The following USH2A variants were observed in gnomAD, a reference collection of about 807,000 sequenced individuals.
USH2A encodes the protein Usher syndrome 2A (autosomal recessive, mild).
USH2A carries 443 observed loss-of-function variants against 538.9 expected under a neutral mutation model. The observed-to-expected ratio is 0.82, with a 90% CI of 0.76 to 0.89. USH2A has a LOEUF of 0.89. USH2A is among the 40% of genes least tolerant of loss of function. The pLI, the probability that USH2A is intolerant of heterozygous loss-of-function variation, is 0.00. For missense variants in USH2A, 6,633 were observed against 6,324.8 expected, an observed-to-expected ratio of 1.05 and a Z score of -1.65; for synonymous variants, 2,413 against 2,273.5, an observed-to-expected ratio of 1.06 and a Z score of -1.75.
At chr1:216,281,893 G>A in intron 11 of USH2A, among the ~76,000 whole-genome samples, 1 of 64,524 alleles carries the variant, frequency 1.5e-5, no homozygotes, top group African/African-American at 5.4e-5. Context: ...TTTTTGAGTT[G>A]CAGTCATCCC....
intron 36 of USH2A, among the ~76,000 whole-genome samples, chr1:215,968,890 A>G (rs750389345): frequency 1.1e-4 from 16 of 152,212 alleles, no homozygotes; most frequent in Non-Finnish European, 1.8e-4. Context: ...GTATCACATC[A>G]TAATTTAATG....
intron 11 of USH2A, among the ~76,000 whole-genome samples, chr1:216,263,075 C>T (rs1186816209): frequency 6.6e-6 from 1 of 151,870 alleles, no homozygotes; most frequent in Non-Finnish European, 1.5e-5. Context: ...AAAATTGAAC[C>T]AAGGAGGAAT....
At chr1:215,762,319 G>A (rs923551716) in intron 56 of USH2A, among the ~76,000 whole-genome samples, 1 of 152,108 alleles carries the variant, frequency 6.6e-6, no homozygotes, top group South Asian at 2.1e-4. Context: ...CACCTTGAAC[G>A]ATGTATTAAA....
At chr1:215,640,296 T>C (rs1354806430) in intron 68 of USH2A, among the ~76,000 whole-genome samples, 1 of 152,200 alleles carries the variant, frequency 6.6e-6, no homozygotes, top group East Asian at 1.9e-4. Context: ...CCTTGGGTCT[T>C]ATCCCTTCCT....
Position 215,862,421 on chromosome 1 carries a change from G to A in USH2A, c.8845+4586C>T, listed in dbSNP as rs930296154. ...ACACACCGGGGCCTGTCGTGGGGTG[G>A]GGGGAGTGGGGAGGGATAGCATTAG... On this transcript the variant is annotated intron_variant, in intron 44 of 71. Transcript: ENST00000307340. Among the ~76,000 whole-genome samples the A allele has an allele frequency of 5.9e-5, 9 of 152,000 alleles. No homozygotes were observed. The South Asian group carries it at 1.7e-3, about 28-fold the overall frequency.
intron 48 of USH2A, among the ~76,000 whole-genome samples, chr1:215,815,473 G>T (rs141173782): frequency 0.02 from 2,977 of 150,916 alleles, 41 homozygotes; most frequent in Non-Finnish European, 0.027. Flanking sequence ...TAAACTAACC[G>T]GTTCTTTGTC....
At chr1:215,868,087 T>C (rs1664527171) in intron 43 of USH2A, among the ~76,000 whole-genome samples, 2 of 152,132 alleles carry the variant, frequency 1.3e-5, no homozygotes, top group South Asian at 4.1e-4. Flanking sequence ...GGGCAAACAC[T>C]GGCCTCAGAT....
At chr1:215,827,990 G>GA (rs949860950) in intron 47 of USH2A, among the ~76,000 whole-genome samples, 3 of 152,110 alleles carry the variant, frequency 2.0e-5, no homozygotes, top group Non-Finnish European at 4.4e-5. Flanking sequence ...AAGTTAGGCA[G>GA]AAAAAATCAA....
chr1:216,004,903 C>A (rs1399983522), intron 32 of USH2A, among the ~76,000 whole-genome samples: 1 of 152,032 alleles, frequency 6.6e-6, no homozygotes, highest in East Asian at 1.9e-4. Context: ...TATGTGGGTG[C>A]CAATACTGGT....
At chr1:216,285,477 G>A (rs767354669) in intron 11 of USH2A, among the ~76,000 whole-genome samples, 2 of 152,244 alleles carry the variant, frequency 1.3e-5, no homozygotes, top group Admixed American at 6.5e-5. Context: ...CAGAGGATGT[G>A]CTGCAGGGGC....
intron 4 of USH2A, among the ~76,000 whole-genome samples, chr1:216,343,097 A>G (rs767522953): frequency 3.3e-5 from 5 of 152,104 alleles, no homozygotes; most frequent in Non-Finnish European, 7.4e-5. Context: ...AAACTAAAAC[A>G]AATTTAAATT....
intron 58 of USH2A, among the ~76,000 whole-genome samples, chr1:215,746,063 G>A (rs1660460542): frequency 7.0e-6 from 1 of 141,924 alleles, no homozygotes; most frequent in Non-Finnish European, 1.6e-5. Context: ...CTCGAATAAT[G>A]TTGTTTCATT....
chr1:216,046,985 T>A (rs1361816763), intron 31 of USH2A, among the ~76,000 whole-genome samples: 1 of 152,210 alleles, frequency 6.6e-6, no homozygotes, highest in Non-Finnish European at 1.5e-5. Context: ...TATAAATTTT[T>A]AAAAACCTAT....
chr1:216,391,256 C>T (rs2039102252), intron 3 of USH2A, among the ~76,000 whole-genome samples: 1 of 152,204 alleles, frequency 6.6e-6, no homozygotes, highest in Non-Finnish European at 1.5e-5. Flanking sequence ...AGTCTGACAA[C>T]ACCAAGAGTG....
At position 215,818,379 on chromosome 1, in the gene USH2A, A is replaced by T. The variant is rs957961745; in HGVS notation, c.9372-1184T>A. Among the ~76,000 whole-genome samples the T allele has an allele frequency of 2.6e-5, 4 of 151,656 alleles. No homozygotes were observed. In the East Asian group the frequency reaches 7.7e-4, roughly 29 times the overall value. On this transcript the variant is annotated intron_variant, in intron 47 of 71. Transcript: ENST00000307340. ...ACTTATTTAAAACATACTTTGCTTAATTTTTTGACTCATCTAAATAGATTC... is the reference window on the plus strand; with the variant it reads ...ACTTATTTAAAACATACTTTGCTTATTTTTTTGACTCATCTAAATAGATTC...
chr1:216,035,884 T>C (rs1331519632), intron 32 of USH2A, among the ~76,000 whole-genome samples: 1 of 152,134 alleles, frequency 6.6e-6, no homozygotes, highest in Non-Finnish European at 1.5e-5. Context: ...AAATAAATAA[T>C]GGCATAATAA....
At chr1:216,321,829 G>T (rs372269732) in intron 9 of USH2A, 54 bp downstream of exon 9, 2 of 1,458,526 alleles carry the variant, frequency 1.4e-6, no homozygotes, top group Non-Finnish European at 1.9e-6. Context: ...AGAATTTATA[G>T]TCACCATCTC....
chr1:216,294,280 G>A (rs1315913447), intron 9 of USH2A, among the ~76,000 whole-genome samples: 2 of 151,952 alleles, frequency 1.3e-5, no homozygotes, highest in Non-Finnish European at 2.9e-5. Flanking sequence ...AAAATTAAAA[G>A]CACTGGTAAT....
At chr1:216,293,999 G>A (rs1484243254) in intron 9 of USH2A, among the ~76,000 whole-genome samples, 1 of 152,128 alleles carries the variant, frequency 6.6e-6, no homozygotes, top group Non-Finnish European at 1.5e-5. Context: ...TGATATTCAT[G>A]CATATCAGAA....
Sources: allele counts gnomAD v4.1 joint callset (sites outside exome capture counted in the v4.1 genomes callset), GRCh38; gene constraint gnomAD v4.1.1; transcripts MANE v1.5; gene names NCBI Gene and HGNC (gene_info 2026-07-23, HGNC 2026-07-21).